Variants in STARD3NL observed in about 807,000 individuals in gnomAD.
STARD3NL encodes the protein STARD3 N-terminal like.
STARD3NL carries 17 observed loss-of-function variants against 30.9 expected under a neutral mutation model. That is an observed-to-expected ratio of 0.55 (90% CI 0.38 to 0.82). The LOEUF (loss-of-function observed/expected upper bound fraction) is 0.82. STARD3NL is among the 40% of genes least tolerant of loss of function. The pLI, the probability that STARD3NL is intolerant of heterozygous loss-of-function variation, is 0.00. For synonymous variants in STARD3NL, 112 were observed against 100.5 expected (o/e 1.11, Z -0.69); for missense variants, 234 against 277.6 (o/e 0.84, Z 1.12).
chr7:38,205,558 T>C (rs947169803), intron 1 of STARD3NL, among the ~76,000 whole-genome samples: 3 of 152,212 alleles, frequency 2.0e-5, no homozygotes, highest in Non-Finnish European at 4.4e-5. Context: ...TAATTAGTTA[T>C]TTAGGTTGTT....
chr7:38,187,285 C>A (rs1287481965), intron 1 of STARD3NL, among the ~76,000 whole-genome samples: 11 of 152,242 alleles, frequency 7.2e-5, no homozygotes, highest in Non-Finnish European at 1.2e-4. Context: ...TATGGAACAA[C>A]TTATATACAT....
chr7:38,189,511 G>A (rs934588310), intron 1 of STARD3NL, among the ~76,000 whole-genome samples: 1 of 152,152 alleles, frequency 6.6e-6, no homozygotes, highest in African/African-American at 2.4e-5. Context: ...ACAAATGAAG[G>A]AGCAACTTGG....
rs1261755193 is a variant in STARD3NL at position 38,229,908 on chromosome 7, C to T, written c.*18-15C>T. 2 of 152,304 alleles carry T rather than the reference C, an allele frequency of 1.3e-5. No homozygotes were observed. Among genetic ancestry groups the T allele is most frequent in the African/African-American group, 4.8e-5 (2 of 41,450 alleles). 9.4% of individuals were successfully genotyped at this position (152,304 alleles called of 1,614,324 possible). ...GCTATTTATTAAATACTTTTGTCTT[C>T]TCTCTTTTTCTAAGTGTGAAAAACC... is the stretch of plus-strand genomic sequence containing the variant. On this transcript the variant is annotated splice_polypyrimidine_tract_variant and intron_variant, in intron 8 of 8. Transcript: ENST00000009041.
intron 7 of STARD3NL, among the ~76,000 whole-genome samples, chr7:38,224,393 G>A (rs190486339): frequency 1.6e-3 from 246 of 152,250 alleles, no homozygotes; most frequent in African/African-American, 5.8e-3. Flanking sequence ...GTTCTTGATC[G>A]TGGCTGTTTT....
At chr7:38,203,015 A>G (rs867361793) in intron 1 of STARD3NL, among the ~76,000 whole-genome samples, 27 of 126,246 alleles carry the variant, frequency 2.1e-4, no homozygotes, top group Middle Eastern at 3.8e-3. Flanking sequence ...GCTATTGTGA[A>G]TAGTGCTGCA....
At chr7:38,180,954 A>G (rs1032177381) in intron 1 of STARD3NL, among the ~76,000 whole-genome samples, 2 of 152,162 alleles carry the variant, frequency 1.3e-5, no homozygotes, top group South Asian at 4.1e-4. Context: ...AAAGTCCCCT[A>G]TCAATATATT....
At chr7:38,190,379 G>T (rs1229425426) in intron 1 of STARD3NL, among the ~76,000 whole-genome samples, 2 of 152,030 alleles carry the variant, frequency 1.3e-5, no homozygotes, top group African/African-American at 2.4e-5. Context: ...TTGGGGAGGG[G>T]GATTATGGCA....
intron 1 of STARD3NL, among the ~76,000 whole-genome samples, chr7:38,187,622 T>A (rs990613872): frequency 6.6e-6 from 1 of 151,422 alleles, no homozygotes; most frequent in Non-Finnish European, 1.5e-5. Flanking sequence ...TACAAATAGA[T>A]ACAATTTATT....
chr7:38,207,540 C>A lies in STARD3NL; in HGVS notation c.36C>A (p.Leu12=). The A allele has an allele frequency of 6.2e-7, 1 of 1,613,988 alleles. No homozygotes were observed. Among genetic ancestry groups the A allele is most frequent in the Non-Finnish European group, 8.5e-7 (1 of 1,179,928 alleles). ...NHLPEDMENA[L]TGSQSSHASL... ...TGCCAGAAGACATGGAGAACGCTCT[C>A]ACCGGGAGCCAGAGCTCCCATGCTT... The change falls in exon 2 of 9, where the codon CTC becomes CTA. Residue 12 remains leucine, a synonymous_variant. Coordinates refer to ENST00000009041, the MANE Select transcript of STARD3NL (RefSeq NM_032016.4).
At chr7:38,226,016 A>T (rs767181762) in intron 7 of STARD3NL, among the ~76,000 whole-genome samples, 1 of 152,106 alleles carries the variant, frequency 6.6e-6, no homozygotes, top group East Asian at 1.9e-4. Context: ...TTCCCATTAC[A>T]TGGTTGATTG....
intron 1 of STARD3NL, among the ~76,000 whole-genome samples, chr7:38,189,655 A>G (rs1440388124): frequency 6.6e-6 from 1 of 152,180 alleles, no homozygotes; most frequent in Non-Finnish European, 1.5e-5. Context: ...ATAAAACACC[A>G]TTTTCAGTTA....
chr7:38,226,137 A>G (rs145631727), intron 7 of STARD3NL, among the ~76,000 whole-genome samples: 260 of 128,428 alleles, frequency 2.0e-3, no homozygotes, highest in African/African-American at 7.1e-3. Flanking sequence ...ACTTTCTTGA[A>G]TCTTTGCCTA....
intron 6 of STARD3NL, among the ~76,000 whole-genome samples, chr7:38,218,782 C>G (rs1400134794): frequency 1.3e-5 from 2 of 152,154 alleles, no homozygotes; most frequent in African/African-American, 2.4e-5. Flanking sequence ...CTCAGCTGTC[C>G]ACGTCCTGCT....
intron 1 of STARD3NL, among the ~76,000 whole-genome samples, chr7:38,195,689 A>G (rs1384814188): frequency 1.3e-5 from 2 of 152,224 alleles, no homozygotes; most frequent in Non-Finnish European, 2.9e-5. Flanking sequence ...CTGGGGGAAT[A>G]TCTGAGTGAT....
chr7:38,225,511 A>C (rs78498205), intron 7 of STARD3NL, among the ~76,000 whole-genome samples: 1,962 of 146,524 alleles, frequency 0.013, 24 homozygotes, highest in Non-Finnish European at 0.023. Context: ...TTGATTTTCA[A>C]ATATGGAGGA....
intron 1 of STARD3NL, among the ~76,000 whole-genome samples, chr7:38,197,194 TTTTCTC>T (rs1562603691): frequency 2.1e-5 from 3 of 143,700 alleles, no homozygotes; most frequent in South Asian, 2.3e-4. Context: ...CTTTCTTTCT[TTTTCTC>T]TCTCTCTCTT....
intron 1 of STARD3NL, among the ~76,000 whole-genome samples, chr7:38,183,400 C>A (rs1326720127): frequency 6.6e-6 from 1 of 152,166 alleles, no homozygotes; most frequent in Non-Finnish European, 1.5e-5. Flanking sequence ...CTAGTGGTAC[C>A]TCCTCTAGTC....
At chr7:38,216,278 T>C (rs1786105059) in intron 4 of STARD3NL, 1 of 152,246 alleles carries the variant, frequency 6.6e-6, no homozygotes. Context: ...AGAATAAGTC[T>C]AATTTAGCAA....
intron 7 of STARD3NL, among the ~76,000 whole-genome samples, chr7:38,226,152 G>GTTTTTT (rs11286474): frequency 1.5e-4 from 15 of 102,460 alleles, no homozygotes; most frequent in African/African-American, 3.9e-4. Flanking sequence ...TGCCTATCTT[G>GTTTTTT]TTTTTTTTTT....
Sources: gnomAD v4.1 joint callset for allele counts (sites outside exome capture counted in the v4.1 genomes callset) on GRCh38, gnomAD v4.1.1 for gene constraint, MANE v1.5 for transcripts, NCBI Gene and HGNC (gene_info 2026-07-23, HGNC 2026-07-21) for gene names.